Variants in MAP3K5 observed in about 807,000 individuals in gnomAD.
The protein encoded by MAP3K5 is mitogen-activated protein kinase kinase kinase 5.
A neutral mutation model predicts 158.7 loss-of-function variants in MAP3K5; 56 were observed. The ratio of observed to expected loss-of-function variants is 0.35; its 90% confidence interval spans 0.28 to 0.44. MAP3K5 has a LOEUF of 0.44. Ranked by LOEUF, MAP3K5 falls within the 20% of genes least tolerant of loss-of-function variation. The pLI, the probability that MAP3K5 is intolerant of heterozygous loss-of-function variation, is 1.00. For missense variants in MAP3K5, 1,294 were observed against 1,674.8 expected, an observed-to-expected ratio of 0.77 and a Z score of 3.97; for synonymous variants, 579 against 601.7, an observed-to-expected ratio of 0.96 and a Z score of 0.55.
At chr6:136,724,427 T>A (rs1409466718) in intron 1 of MAP3K5, among the ~76,000 whole-genome samples, 1 of 152,018 alleles carries the variant, frequency 6.6e-6, no homozygotes, top group Admixed American at 6.6e-5. Flanking sequence ...TTTGTATTTT[T>A]AGTAGAGATG....
At chr6:136,708,444 TGGG>T (rs1014965635) in intron 2 of MAP3K5, among the ~76,000 whole-genome samples, 16 of 151,890 alleles carry the variant, frequency 1.1e-4, no homozygotes, top group African/African-American at 3.9e-4. Context: ...TTAGTAGAGA[TGGG>T]GTTTCACCAT....
chr6:136,636,497 G>A (rs570152387), intron 14 of MAP3K5, among the ~76,000 whole-genome samples: 6 of 152,316 alleles, frequency 3.9e-5, no homozygotes, highest in South Asian at 2.1e-4. Context: ...GAAAATGGTG[G>A]CCATGTGTCA....
chr6:136,686,555 G>A (rs904665733), intron 7 of MAP3K5, among the ~76,000 whole-genome samples: 3 of 152,136 alleles, frequency 2.0e-5, no homozygotes, highest in African/African-American at 7.2e-5. Flanking sequence ...TCCTTAAGCT[G>A]GTAAGCAACT....
chr6:136,649,437 A>G (rs890698133), intron 11 of MAP3K5, among the ~76,000 whole-genome samples: 1 of 152,236 alleles, frequency 6.6e-6, no homozygotes, highest in Non-Finnish European at 1.5e-5. Flanking sequence ...TTACATCCCT[A>G]TTAAAGTTGT....
intron 1 of MAP3K5, among the ~76,000 whole-genome samples, chr6:136,786,715 T>C (rs1464908203): frequency 6.6e-6 from 1 of 151,788 alleles, no homozygotes; most frequent in Non-Finnish European, 1.5e-5. Context: ...TGAAAACCTT[T>C]AACTTGCAAC....
intron 7 of MAP3K5, among the ~76,000 whole-genome samples, chr6:136,676,546 T>C (rs1779709877): frequency 6.6e-6 from 1 of 152,174 alleles, no homozygotes; most frequent in Non-Finnish European, 1.5e-5. Context: ...TTGTTGTTTA[T>C]GTAGATTTTA....
chr6:136,657,140 T>C (rs1778788163), intron 9 of MAP3K5, among the ~76,000 whole-genome samples: 1 of 152,216 alleles, frequency 6.6e-6, no homozygotes, highest in African/African-American at 2.4e-5. Flanking sequence ...GAAGCTTTCC[T>C]AAATAGACAC....
intron 1 of MAP3K5, among the ~76,000 whole-genome samples, chr6:136,771,781 G>A (rs938477270): frequency 1.3e-5 from 2 of 152,204 alleles, no homozygotes; most frequent in Middle Eastern, 3.4e-3. Context: ...TTTGGGTCTC[G>A]CCTACCCTGC....
chr6:136,695,348 A>G (rs1242240485), intron 6 of MAP3K5, among the ~76,000 whole-genome samples: 3 of 152,180 alleles, frequency 2.0e-5, no homozygotes, highest in Non-Finnish European at 4.4e-5. Flanking sequence ...CGTGTTGCCC[A>G]GGCTGCTCTC....
At chr6:136,621,862 G>A (rs1252054842) in intron 15 of MAP3K5, among the ~76,000 whole-genome samples, 8 of 152,104 alleles carry the variant, frequency 5.3e-5, no homozygotes, top group African/African-American at 9.7e-5. Context: ...CGAGGCGGGC[G>A]GATCACGAGG....
intron 8 of MAP3K5, among the ~76,000 whole-genome samples, chr6:136,659,704 T>C (rs771514203): frequency 4.6e-4 from 70 of 152,172 alleles, no homozygotes; most frequent in Non-Finnish European, 8.8e-4. Flanking sequence ...TAGAGGTTAC[T>C]AGGGACTGGG....
At chr6:136,576,170 C>T (rs192087628) in intron 25 of MAP3K5, among the ~76,000 whole-genome samples, 1 of 152,068 alleles carries the variant, frequency 6.6e-6, no homozygotes, top group Non-Finnish European at 1.5e-5. Context: ...AATCTATAAT[C>T]CAATATGATC....
chr6:136,647,962 C>T (rs2114373420), intron 11 of MAP3K5: 1 of 152,332 alleles, frequency 6.6e-6, no homozygotes, highest in Non-Finnish European at 1.5e-5. Context: ...GCTCTACCAT[C>T]ATCTCAACAG....
intron 13 of MAP3K5, among the ~76,000 whole-genome samples, chr6:136,637,738 G>T (rs574936388): frequency 6.6e-6 from 1 of 151,778 alleles, no homozygotes; most frequent in Non-Finnish European, 1.5e-5. Flanking sequence ...CATCCTGCTC[G>T]CTGTGACTAG....
chr6:136,680,474 G>A (rs1160096114), intron 7 of MAP3K5, among the ~76,000 whole-genome samples: 1 of 152,142 alleles, frequency 6.6e-6, no homozygotes, highest in Admixed American at 6.5e-5. Flanking sequence ...AAAGTTCAGT[G>A]TCATGAACAC....
rs117157984 is a variant in MAP3K5 at position 136,609,732 on chromosome 6, T to C, written c.2521+1550A>G. Among the ~76,000 whole-genome samples the C allele has an allele frequency of 7.3e-4, 110 of 149,934 alleles. 1 individual carries two copies. In the East Asian group the frequency reaches 0.019, roughly 26 times the overall value. ...TCACTTGAGCCCGGGGTAGGGGAGGTCACAGTGAGCAGAGATTACACCACT... is the reference window on the plus strand; with the variant it reads ...TCACTTGAGCCCGGGGTAGGGGAGGCCACAGTGAGCAGAGATTACACCACT... On this transcript the variant is annotated intron_variant, in intron 18 of 29. Coordinates refer to ENST00000359015, the MANE Select transcript of MAP3K5 (RefSeq NM_005923.4). The surrounding 1 kb of genome is among the most constrained non-coding windows in gnomAD (Gnocchi z 4.4).
At chr6:136,706,963 C>T (rs1463012371) in intron 2 of MAP3K5, among the ~76,000 whole-genome samples, 2 of 152,136 alleles carry the variant, frequency 1.3e-5, no homozygotes, top group Non-Finnish European at 2.9e-5. Context: ...GCCTAGGCAA[C>T]ATGATGAGAC....
chr6:136,624,168 T>G (rs1224044202), intron 14 of MAP3K5, among the ~76,000 whole-genome samples: 1 of 152,102 alleles, frequency 6.6e-6, no homozygotes, highest in African/African-American at 2.4e-5. Context: ...CACTCCAGCC[T>G]GGGCAACAGA....
intron 14 of MAP3K5, among the ~76,000 whole-genome samples, chr6:136,636,012 CA>C (rs2129104988): frequency 6.6e-6 from 1 of 152,074 alleles, no homozygotes; most frequent in Non-Finnish European, 1.5e-5. Context: ...ATAAGTATGC[CA>C]ATTAGACTGG....
Sources: allele counts gnomAD v4.1 joint callset (sites outside exome capture counted in the v4.1 genomes callset), GRCh38; gene constraint gnomAD v4.1.1; non-coding constraint Gnocchi (gnomAD v3.1); transcripts MANE v1.5; gene names NCBI Gene and HGNC (gene_info 2026-07-23, HGNC 2026-07-21).